Variants in RHEB observed in about 807,000 individuals in gnomAD.
The protein encoded by RHEB is Ras homolog, mTORC1 binding, also known as GTP-binding protein Rheb.
A neutral mutation model predicts 28.8 loss-of-function variants in RHEB; 2 were observed. That is an observed-to-expected ratio of 0.07 (90% confidence interval 0.03 to 0.22). The LOEUF is 0.22. Ranked by LOEUF, RHEB falls within the 10% of genes least tolerant of loss-of-function variation. The pLI, the probability that RHEB is intolerant of heterozygous loss-of-function variation, is 1.00. For synonymous variants in RHEB, 69 were observed against 77.3 expected, an observed-to-expected ratio of 0.89 and a Z score of 0.56; for missense variants, 76 against 219.9, an observed-to-expected ratio of 0.35 and a Z score of 4.14.
At chr7:151,473,777 T>C (rs969357222) in intron 4 of RHEB, among the ~76,000 whole-genome samples, 16 of 152,230 alleles carry the variant, frequency 1.1e-4, no homozygotes, top group Admixed American at 3.9e-4. Context: ...AAATTCATCA[T>C]AGTCATAATT....
In RHEB at chr7:151,504,626, T is replaced by C. The variant is rs966143395; in HGVS notation, c.53-13612A>G. On this transcript the variant is annotated intron_variant, in intron 1 of 7. Coordinates refer to ENST00000262187, the MANE Select transcript of RHEB (RefSeq NM_005614.4). The stretch of plus-strand genomic sequence containing the variant: ...TACAAAGGAATTAAATACTGGTATA[T>C]GTACACATGAATAAATCTCAAATGT... Among the ~76,000 whole-genome samples, 8 of 152,204 alleles carry C rather than the reference T, an allele frequency of 5.3e-5. No homozygotes were observed. The East Asian group carries it at 1.2e-3, about 22-fold the overall frequency.
chr7:151,474,140 C>A (rs998334005), intron 4 of RHEB, among the ~76,000 whole-genome samples: 1 of 151,850 alleles, frequency 6.6e-6, no homozygotes, highest in African/African-American at 2.4e-5. Flanking sequence ...TGGAGATTGA[C>A]ATCACCTTTC....
At chr7:151,470,144 A>G (rs1563090583) in intron 7 of RHEB, among the ~76,000 whole-genome samples, 1 of 151,952 alleles carries the variant, frequency 6.6e-6, no homozygotes, top group Non-Finnish European at 1.5e-5. Flanking sequence ...CATCATTTCT[A>G]TGTTAACAAT....
In RHEB at chr7:151,479,813, T is replaced by C. The variant is rs189928046; in HGVS notation, c.193-2398A>G. ...ACAAAACTGTGCATCTCAGATCATATACAAAACGCTAATTTTCTTCACATA... is the reference window on the plus strand; with the variant it reads ...ACAAAACTGTGCATCTCAGATCATACACAAAACGCTAATTTTCTTCACATA... On this transcript the variant is annotated intron_variant, in intron 3 of 7. Coordinates refer to ENST00000262187, the MANE Select transcript of RHEB (RefSeq NM_005614.4). Among the ~76,000 whole-genome samples the C allele has an allele frequency of 4.6e-5, 7 of 151,568 alleles. 1 individual carries two copies. The highest frequency in any genetic ancestry group is 1.0e-4 in the Non-Finnish European group (7 of 67,968).
At chr7:151,475,965 G>C (rs1267177063) in intron 4 of RHEB, among the ~76,000 whole-genome samples, 2 of 152,124 alleles carry the variant, frequency 1.3e-5, no homozygotes, top group African/African-American at 4.8e-5. Flanking sequence ...GATATTAACA[G>C]TATCTATGCT....
Position 151,504,723 on chromosome 7 carries a change from C to T in RHEB, c.53-13709G>A, listed in dbSNP as rs79302812. Among the ~76,000 whole-genome samples the T allele has an allele frequency of 8.8e-3, 1,342 of 152,086 alleles. 18 individuals are homozygous for T. The highest frequency in any genetic ancestry group is 0.03 in the African/African-American group (1,263 of 41,462). Reference sequence around the variant, plus strand: ...CATTTATTGGGCATCCTGATAAAGACAAAACTATAGGATAAAAACCACAAA... The same window carrying T: ...CATTTATTGGGCATCCTGATAAAGATAAAACTATAGGATAAAAACCACAAA... On this transcript the variant is annotated intron_variant, in intron 1 of 7. Coordinates refer to ENST00000262187, the MANE Select transcript of RHEB (RefSeq NM_005614.4).
At chr7:151,473,082 C>G (rs1563091429) in intron 4 of RHEB, among the ~76,000 whole-genome samples, 1 of 152,248 alleles carries the variant, frequency 6.6e-6, no homozygotes, top group Non-Finnish European at 1.5e-5. Flanking sequence ...AGTGGCCACA[C>G]TGTGTGTCAT....
intron 1 of RHEB, among the ~76,000 whole-genome samples, chr7:151,500,370 A>C (rs1489841627): frequency 1.3e-5 from 2 of 152,232 alleles, no homozygotes; most frequent in Non-Finnish European, 2.9e-5. Context: ...TGGTTTCAAG[A>C]CTTACTAGGA....
At chr7:151,498,526 C>T (rs562693831) in intron 1 of RHEB, among the ~76,000 whole-genome samples, 309 of 152,102 alleles carry the variant, frequency 2.0e-3, no homozygotes, top group Non-Finnish European at 3.1e-3. Context: ...ACTTGGGAGG[C>T]TGAGATGGGA....
chr7:151,512,606 C>T (rs905403276), intron 1 of RHEB, among the ~76,000 whole-genome samples: 1 of 152,236 alleles, frequency 6.6e-6, no homozygotes, highest in Non-Finnish European at 1.5e-5. Context: ...ACGCCAAGTT[C>T]TTTCCTGCCT....
chr7:151,480,931 G>A (rs571957217), intron 3 of RHEB, among the ~76,000 whole-genome samples: 6 of 152,074 alleles, frequency 3.9e-5, no homozygotes, highest in Non-Finnish European at 5.9e-5. Context: ...TGATCCACCC[G>A]CCTTGGCCTC....
intron 1 of RHEB, 111 bp from the exon 2 acceptor site, chr7:151,491,125 G>A: frequency 3.8e-5 from 25 of 662,926 alleles, no homozygotes; most frequent in South Asian, 5.7e-5. Flanking sequence ...AAGGTATCAG[G>A]GTCAGAAAAC....
intron 7 of RHEB, 97 bp downstream of exon 7, chr7:151,470,474 G>A: frequency 1.3e-6 from 1 of 752,652 alleles, no homozygotes; most frequent in Non-Finnish European, 2.3e-6. Context: ...ATGTTACACA[G>A]GAGTGATCAA....
Position 151,466,034 on chromosome 7 carries a change from T to C in RHEB, c.*1085A>G, listed in dbSNP as rs1384819312. The C allele has an allele frequency of 6.6e-6, 1 of 152,172 alleles. No homozygotes were observed. The highest frequency in any genetic ancestry group is 1.9e-4 in the East Asian group (1 of 5,206). 9.4% of individuals were successfully genotyped at this position (152,172 alleles called of 1,614,324 possible). On this transcript the variant is annotated 3_prime_UTR_variant, in exon 8 of 8. Transcript: ENST00000262187. The stretch of plus-strand genomic sequence containing the variant: ...AACTGCAAAGCAAAACTATATTTTA[T>C]TAATAAAGTCAATGGTAACATTTGC...
At chr7:151,500,835 T>C (rs1802760582) in intron 1 of RHEB, among the ~76,000 whole-genome samples, 1 of 152,072 alleles carries the variant, frequency 6.6e-6, no homozygotes, top group Admixed American at 6.6e-5. Context: ...AATCAAAAAA[T>C]GAGCCAGGTG....
intron 1 of RHEB, chr7:151,502,307 A>G: frequency 1.3e-6 from 1 of 772,684 alleles, no homozygotes; most frequent in East Asian, 2.5e-5. Flanking sequence ...CATTCCTCCC[A>G]AAGACCAGAT....
At chr7:151,478,819 G>C (rs572099008) in intron 3 of RHEB, among the ~76,000 whole-genome samples, 93 of 152,260 alleles carry the variant, frequency 6.1e-4, no homozygotes, top group African/African-American at 2.2e-3. Context: ...ATTTGCAGTA[G>C]AGACAGGATT....
At chr7:151,515,413 C>T (rs758880344) in intron 1 of RHEB, among the ~76,000 whole-genome samples, 2 of 152,008 alleles carry the variant, frequency 1.3e-5, no homozygotes, top group African/African-American at 4.8e-5. Context: ...GAGATATAAC[C>T]CATATGGACA....
At position 151,468,538 on chromosome 7, in the gene RHEB, C is replaced by A. The variant is rs1802105106; in HGVS notation, c.463-1327G>T. Among the ~76,000 whole-genome samples, 1 of 152,256 alleles carries A rather than the reference C, an allele frequency of 6.6e-6. No individual in the cohort carries two copies. Among genetic ancestry groups the A allele is most frequent in the Non-Finnish European group, 1.5e-5 (1 of 68,046 alleles). ...GCCTGCATCCCTGGATCTGGGCACT[C>A]CCCAGAGAAAGCATCCACGCCTTGT... On this transcript the variant is annotated intron_variant, in intron 7 of 7. Transcript: ENST00000262187. The surrounding 1 kb of genome is among the most constrained non-coding windows in gnomAD (Gnocchi z 4.3).
Sources: allele counts gnomAD v4.1 joint callset (sites outside exome capture counted in the v4.1 genomes callset), GRCh38; gene constraint gnomAD v4.1.1; non-coding constraint Gnocchi (gnomAD v3.1); transcripts MANE v1.5; gene names NCBI Gene and HGNC (gene_info 2026-07-23, HGNC 2026-07-21).